The following PPP2R2B variants were observed in gnomAD, a reference collection of about 807,000 sequenced individuals.
The protein encoded by PPP2R2B is protein phosphatase 2 regulatory subunit Bbeta.
In PPP2R2B, 5 loss-of-function variants were observed where a neutral mutation model predicts 46.0. That is an observed-to-expected ratio of 0.11 (90% CI 0.06 to 0.23). The LOEUF (loss-of-function observed/expected upper bound fraction) is 0.23, where lower values mean the gene tolerates loss of function less well. PPP2R2B is among the 10% of genes least tolerant of loss of function. The pLI is 1.00. For synonymous variants in PPP2R2B, 215 were observed against 206.7 expected (o/e 1.04, Z -0.34); for missense variants, 367 against 575.0 (o/e 0.64, Z 3.70).
intron 7 of PPP2R2B, among the ~76,000 whole-genome samples, chr5:146,627,949 A>T (rs978574995): frequency 4.1e-5 from 6 of 145,762 alleles, no homozygotes; most frequent in Non-Finnish European, 9.1e-5. Flanking sequence ...AACATCTCAG[A>T]TTTTTTTTTT....
intron 6 of PPP2R2B, among the ~76,000 whole-genome samples, chr5:146,640,784 C>T (rs1183880147): frequency 2.0e-5 from 3 of 152,146 alleles, no homozygotes; most frequent in African/African-American, 7.2e-5. Context: ...AAACAAAGTG[C>T]CTAAACATGT....
intron 2 of PPP2R2B, among the ~76,000 whole-genome samples, chr5:146,866,578 G>A (rs1472930435): frequency 4.6e-5 from 7 of 152,080 alleles, no homozygotes; most frequent in Admixed American, 3.9e-4. Context: ...ATACTTTTGA[G>A]GGTTGTGGTG....
At chr5:146,756,695 C>CTTATT (rs1561882354) in intron 2 of PPP2R2B, among the ~76,000 whole-genome samples, 2 of 152,158 alleles carry the variant, frequency 1.3e-5, no homozygotes, top group East Asian at 3.8e-4. Context: ...AATAATAGTA[C>CTTATT]CAGCATCACA....
At chr5:146,891,694 C>T (rs1040035453) in intron 1 of PPP2R2B, among the ~76,000 whole-genome samples, 1 of 151,878 alleles carries the variant, frequency 6.6e-6, no homozygotes, top group Admixed American at 6.6e-5. Context: ...AATTTATGTG[C>T]GAATAAGAGA....
At chr5:147,080,932 A>T in intron 2 of PPP2R2B, 2 of 822,828 alleles carry the variant, frequency 2.4e-6, no homozygotes, top group Non-Finnish European at 3.7e-6. Context: ...ATCCATTTCT[A>T]GCCTAGAATG....
intron 2 of PPP2R2B, among the ~76,000 whole-genome samples, chr5:147,078,946 A>G (rs535190820): frequency 1.3e-5 from 2 of 152,112 alleles, no homozygotes; most frequent in Non-Finnish European, 2.9e-5. Flanking sequence ...CAAGGCATTC[A>G]CTTGAGCTTC....
intron 2 of PPP2R2B, among the ~76,000 whole-genome samples, chr5:146,844,918 C>T (rs188743786): frequency 1.1e-4 from 16 of 152,294 alleles, no homozygotes; most frequent in African/African-American, 3.1e-4. Flanking sequence ...ATCAAGAAGC[C>T]CCTTCCCCTA....
rs375686569 is a variant in PPP2R2B at position 146,939,639 on chromosome 5, C to T, written c.79+116026G>A. Among the ~76,000 whole-genome samples, 7 of 152,190 alleles carry T rather than the reference C, an allele frequency of 4.6e-5. No homozygotes were observed. The East Asian group carries it at 1.2e-3, about 25-fold the overall frequency. ...TCTATTTATGAGGTGAACTGGACCT[C>T]CTGCTTCATAGAGGAAACATTTTTG... On this transcript the variant is annotated intron_variant, in intron 1 of 8. Coordinates refer to the PPP2R2B transcript ENST00000336640.
intron 1 of PPP2R2B, among the ~76,000 whole-genome samples, chr5:146,962,356 A>G (rs1376223001): frequency 5.9e-5 from 9 of 151,806 alleles, no homozygotes; most frequent in African/African-American, 9.7e-5. Context: ...ATGTGTGTGC[A>G]TTAAAACCAG....
intron 2 of PPP2R2B, among the ~76,000 whole-genome samples, chr5:146,832,258 A>T (rs1214843721): frequency 6.6e-6 from 1 of 152,152 alleles, no homozygotes; most frequent in Non-Finnish European, 1.5e-5. Context: ...ATAGCAGTGT[A>T]CAATAATGTC....
rs1777913186 is a variant in PPP2R2B at position 146,678,677 on chromosome 5, T to C, written c.447+12451A>G. Among the ~76,000 whole-genome samples the C allele has an allele frequency of 2.7e-5, 4 of 149,130 alleles. No individual in the cohort carries two copies. In the South Asian group the frequency reaches 8.5e-4, roughly 32 times the overall value. On this transcript the variant is annotated intron_variant, in intron 5 of 9. Transcript: ENST00000394411. ...TCAGCCCAAAATCTCCTTAAGCTGA[T>C]AAGCAACTTCAGCAAAGTTTCAGGA...
chr5:147,001,684 C>G (rs996912845), intron 1 of PPP2R2B, among the ~76,000 whole-genome samples: 1 of 152,116 alleles, frequency 6.6e-6, no homozygotes, highest in African/African-American at 2.4e-5. Context: ...ACCATCGGAC[C>G]CCTTTCGTTT....
intron 1 of PPP2R2B, among the ~76,000 whole-genome samples, chr5:146,980,372 A>G (rs1753112561): frequency 6.6e-6 from 1 of 152,218 alleles, no homozygotes; most frequent in Admixed American, 6.5e-5. Context: ...TAAATGCTTC[A>G]GATTCTTTTT....
intron 2 of PPP2R2B, among the ~76,000 whole-genome samples, chr5:146,746,260 C>A (rs1403856144): frequency 6.6e-6 from 1 of 152,190 alleles, no homozygotes; most frequent in East Asian, 1.9e-4. Context: ...CATATTATCT[C>A]ACTTTCTTGG....
intron 1 of PPP2R2B, among the ~76,000 whole-genome samples, chr5:146,911,525 C>A (rs1269734758): frequency 6.6e-6 from 1 of 152,180 alleles, no homozygotes; most frequent in African/African-American, 2.4e-5. Flanking sequence ...TTTATCCTCA[C>A]CACAGTAGCC....
At chr5:146,732,583 G>A (rs552205807) in intron 2 of PPP2R2B, among the ~76,000 whole-genome samples, 1 of 152,202 alleles carries the variant, frequency 6.6e-6, no homozygotes, top group African/African-American at 2.4e-5. Flanking sequence ...CCATGCTCAT[G>A]GTAAAACATA....
intron 1 of PPP2R2B, among the ~76,000 whole-genome samples, chr5:146,988,968 G>C (rs1376964871): frequency 6.6e-6 from 1 of 151,832 alleles, no homozygotes; most frequent in Non-Finnish European, 1.5e-5. Context: ...AAACTACTAT[G>C]AACAACTACA....
intron 2 of PPP2R2B, among the ~76,000 whole-genome samples, chr5:146,842,243 A>G (rs1759695486): frequency 6.6e-6 from 1 of 152,158 alleles, no homozygotes; most frequent in Admixed American, 6.5e-5. Flanking sequence ...ATAGTCCAAA[A>G]TTATATGGCC....
intron 1 of PPP2R2B, among the ~76,000 whole-genome samples, chr5:146,952,133 T>A (rs1335199085): frequency 6.6e-6 from 1 of 152,060 alleles, no homozygotes; most frequent in Admixed American, 6.6e-5. Context: ...AATATTATTA[T>A]CATGATCTTC....
Sources: allele counts gnomAD v4.1 joint callset (sites outside exome capture counted in the v4.1 genomes callset), GRCh38; gene constraint gnomAD v4.1.1; transcripts MANE v1.5; gene names NCBI Gene and HGNC (gene_info 2026-07-23, HGNC 2026-07-21).